Variants in ZNF579 observed in about 807,000 individuals in gnomAD.
ZNF579 encodes zinc finger protein 579.
A neutral mutation model predicts 5.7 loss-of-function variants in ZNF579; 3 were observed. That is an observed-to-expected ratio of 0.53 (90% CI 0.24 to 1.36). ZNF579 has a LOEUF of 1.36. Among genes scored for constraint, ZNF579 ranks in the 40% most tolerant of loss-of-function variants. The pLI, the probability that ZNF579 is intolerant of heterozygous loss-of-function variation, is 0.16. For synonymous variants in ZNF579, 454 were observed against 409.0 expected (o/e 1.11, Z -1.33); for missense variants, 679 against 877.6 (o/e 0.77, Z 2.86).
rs369540231 is a variant in ZNF579 at position 55,579,134 on chromosome 19, G to C, written c.506C>G (p.Ala169Gly). 2.4e-5 allele frequency: 37 copies of C among 1,524,988 alleles called. 1 individual carries two copies. In the South Asian group the frequency reaches 4.4e-4, roughly 18 times the overall value. The allele number at this position is 1,524,988 out of a possible 1,614,324, so 94.5% of individuals were successfully genotyped here. ...AGATEEEAVA[A>G]WPETWPAGEP... ...CCCCGCAGGCCACGTCTCAGGCCACGCTGCGACCGCCTCCTCCTCCGTGGC... is the reference window on the plus strand; with the variant it reads ...CCCCGCAGGCCACGTCTCAGGCCACCCTGCGACCGCCTCCTCCTCCGTGGC... The change falls in exon 2 of 2, where the codon GCG (alanine) becomes GGG (glycine). Residue 169 changes from alanine to glycine, a missense_variant. Ala to Gly is a moderately conservative substitution (Grantham distance 60, BLOSUM62 0). Around this residue, in one of 6 missense-constraint regions of ZNF579, gnomAD observed 209 missense variants for 223.4 expected, o/e 0.94. Coordinates refer to ENST00000325421, the MANE Select transcript of ZNF579 (RefSeq NM_152600.3).
rs12972695 is a variant in ZNF579 at position 55,577,121 on chromosome 19, A to G, written c.*830T>C. ...GAGTGAGGGAAGAAAGATTATGGAA[A>G]CTTTTCTGAGAAAAAAAAAAAGTTA... On this transcript the variant is annotated 3_prime_UTR_variant, in exon 2 of 2. Coordinates refer to ENST00000325421, the MANE Select transcript of ZNF579 (RefSeq NM_152600.3). 56,965 of 151,700 alleles carry G rather than the reference A, an allele frequency of 0.38. 11,468 individuals are homozygous for G. The highest frequency in any genetic ancestry group is 0.5 in the African/African-American group (20,566 of 41,338). 9.4% of individuals were successfully genotyped at this position (151,700 alleles called of 1,614,324 possible). A position where few individuals can be genotyped will look rare whatever the true frequency, so the allele number is the denominator to read the frequency against.
Position 55,579,643 on chromosome 19 carries a change from TGTGGGGAGA to T in ZNF579, c.-2-11_-2-3del. On this transcript the variant is annotated splice_polypyrimidine_tract_variant and splice_region_variant and intron_variant, in intron 1 of 1. Coordinates refer to ENST00000325421, the MANE Select transcript of ZNF579 (RefSeq NM_152600.3). ...GTGGAGGAGGCTGCGGATCCATGCC[TGTGGGGAGA>T]GAGGGGAGAGATGGGAAGCGGGGCA... is the stretch of plus-strand genomic sequence containing the variant. 6.9e-7 allele frequency: 1 copy of T among 1,446,818 alleles called. No homozygotes were observed. Among genetic ancestry groups the T allele is most frequent in the Non-Finnish European group, 9.0e-7 (1 of 1,109,942 alleles). 89.6% of individuals were successfully genotyped at this position (1,446,818 alleles called of 1,614,324 possible). A position where few individuals can be genotyped will look rare whatever the true frequency, so the allele number is the denominator to read the frequency against.
rs536053462 is a variant in ZNF579, at chr19:55,579,171, C to A, written c.469G>T (p.Ala157Ser). ...TCCTCCTCCGTGGCCCCTGCTGCAGCGGTGGTGGGCGGCTCCGAGCCCTCG... is the reference window on the plus strand; with the variant it reads ...TCCTCCTCCGTGGCCCCTGCTGCAGAGGTGGTGGGCGGCTCCGAGCCCTCG... ...QDEGSEPPTT[A>S]AAGATEEEAV... The change falls in exon 2 of 2, where the codon GCT becomes TCT. Residue 157 changes from alanine (A) to serine (S), a missense_variant. By Grantham distance (99) the Ala-to-Ser change is moderately conservative. Transcript: ENST00000325421. 6.6e-7 allele frequency: 1 copy of A among 1,525,114 alleles called. No homozygotes were observed. Among genetic ancestry groups the A allele is most frequent in the South Asian group, 1.2e-5 (1 of 83,518 alleles). The allele number at this position is 1,525,114 out of a possible 1,614,324, so 94.5% of individuals were successfully genotyped here.
Position 55,579,463 on chromosome 19 carries a change from G to C in ZNF579, c.177C>G (p.Leu59=). The C allele has an allele frequency of 1.5e-6, 2 of 1,346,736 alleles. No homozygotes were observed. The allele number at this position is 1,346,736 out of a possible 1,614,324, so 83.4% of individuals were successfully genotyped here. Residue 59 remains leucine (L), a synonymous_variant, in exon 2 of 2, where the codon CTC becomes CTG. Coordinates refer to ENST00000325421, the MANE Select transcript of ZNF579 (RefSeq NM_152600.3). ...CCGAGTGGCTCAGCCGGTGCCGGGA[G>C]AGGTAGTAGGGGAAACGGAAGAGGC... ...CGRLFRFPYY[L]SRHRLSHSGL...
At chr19:55,580,103 G>C (rs1979600612) in intron 1 of ZNF579, 1 of 155,568 alleles carries the variant, frequency 6.4e-6, no homozygotes, top group Non-Finnish European at 1.4e-5. Flanking sequence ...GCGGGTTGGG[G>C]GCCGGAGAGA....
Position 55,579,486 on chromosome 19 carries a change from G to C in ZNF579, c.154C>G (p.Leu52Val). Residue 52 changes from leucine (L) to valine (V), a missense_variant, in exon 2 of 2, where the codon CTC becomes GTC. Physicochemically the swap from Leu to Val is conservative, Grantham distance 32 (BLOSUM62 1). Coordinates refer to ENST00000325421, the MANE Select transcript of ZNF579 (RefSeq NM_152600.3). Reference protein sequence around the residue: ...APLPCPTCGRLFRFPYYLSRH... With the variant: ...APLPCPTCGRVFRFPYYLSRH... ...GAGAGGTAGTAGGGGAAACGGAAGA[G>C]GCGGCCGCAGGTGGGGCAGGGCAGG... is the stretch of plus-strand genomic sequence containing the variant. The C allele has an allele frequency of 7.4e-7, 1 of 1,359,968 alleles. No individual in the cohort carries two copies. 84.2% of individuals were successfully genotyped at this position (1,359,968 alleles called of 1,614,324 possible). A position where few individuals can be genotyped will look rare whatever the true frequency, so the allele number is the denominator to read the frequency against.
In ZNF579 at chr19:55,577,810, G is replaced by C; in HGVS notation, c.*141C>G. On this transcript the variant is annotated 3_prime_UTR_variant, in exon 2 of 2. Coordinates refer to ENST00000325421, the MANE Select transcript of ZNF579 (RefSeq NM_152600.3). ...GCGGGCGATGGGGGAGGAAGGGGCA[G>C]TCCAGGGCCCCCCACTCCTTAGTGT... 6.9e-7 allele frequency: 1 copy of C among 1,448,034 alleles called. No homozygotes were observed. Among genetic ancestry groups the C allele is most frequent in the Non-Finnish European group, 9.1e-7 (1 of 1,097,042 alleles). 89.7% of individuals were successfully genotyped at this position (1,448,034 alleles called of 1,614,324 possible). A position where few individuals can be genotyped will look rare whatever the true frequency, so the allele number is the denominator to read the frequency against.
Position 55,577,936 on chromosome 19 carries a change from GCAGGGCGGCGAAGGTCAGGAGGC to G in ZNF579, c.1681_*14del. ...GGGAGCTCAGGCGGAGCGGCGGAGGGCAGGGCGGCGAAGGTCAGGAGGCCAGGCCCCCCAGCCCGCGCAGGTGA... is the reference window on the plus strand; with the variant it reads ...GGGAGCTCAGGCGGAGCGGCGGAGGGCAGGCCCCCCAGCCCGCGCAGGTGA... On this transcript the variant is annotated stop_lost and 3_prime_UTR_variant, in exon 2 of 2. Transcript: ENST00000325421. 6.4e-7 allele frequency: 1 copy of G among 1,573,452 alleles called. No homozygotes were observed. Among genetic ancestry groups the G allele is most frequent in the East Asian group, 2.3e-5 (1 of 43,030 alleles).
rs1979470679 is a variant in ZNF579, at chr19:55,578,418, C to G, written c.1222G>C (p.Gly408Arg). ...HLRQHGVTHS[G>R]ARPFQCVRCQ... Reference sequence around the variant, plus strand: ...CGCACGCACTGGAAGGGGCGCGCTCCCGAGTGGGTCACCCCGTGCTGCCGC... The same window carrying G: ...CGCACGCACTGGAAGGGGCGCGCTCGCGAGTGGGTCACCCCGTGCTGCCGC... Residue 408 changes from glycine to arginine, a missense_variant, in exon 2 of 2, where the codon GGA (glycine) becomes CGA (arginine). Physicochemically the swap from Gly to Arg is moderately radical, Grantham distance 125 (BLOSUM62 -2). Transcript: ENST00000325421. 6.8e-7 allele frequency: 1 copy of G among 1,481,128 alleles called. No individual in the cohort carries two copies. The highest frequency in any genetic ancestry group is 8.9e-7 in the Non-Finnish European group (1 of 1,125,178). 91.7% of individuals were successfully genotyped at this position (1,481,128 alleles called of 1,614,324 possible). A position where few individuals can be genotyped will look rare whatever the true frequency, so the allele number is the denominator to read the frequency against.
At chr19:55,580,073 C>G (rs1049441384) in intron 1 of ZNF579, 2 of 159,616 alleles carry the variant, frequency 1.3e-5, no homozygotes, top group African/African-American at 4.8e-5. Flanking sequence ...AGTGCAAGAG[C>G]AGAGATCAGA....
Position 55,577,954 on chromosome 19 carries a change from G to A in ZNF579, c.1686C>T (p.Ser562=). 1 of 1,589,172 alleles carries A rather than the reference G, an allele frequency of 6.3e-7. No homozygotes were observed. The highest frequency in any genetic ancestry group is 8.6e-7 in the Non-Finnish European group (1 of 1,168,210). ...GCGGAGGGCAGGGCGGCGAAGGTCA[G>A]GAGGCCAGGCCCCCCAGCCCGCGCA... ...AHLRGLGGLA[S] is the part of the protein sequence containing the mutation. The change falls in exon 2 of 2, where the codon TCC becomes TCT. Residue 562 remains serine, a synonymous_variant. Coordinates refer to ENST00000325421, the MANE Select transcript of ZNF579 (RefSeq NM_152600.3).
At position 55,578,126 on chromosome 19, in the gene ZNF579, G is replaced by C; in HGVS notation, c.1514C>G (p.Ala505Gly). 6.5e-7 allele frequency: 1 copy of C among 1,546,860 alleles called. No individual in the cohort carries two copies. The highest frequency in any genetic ancestry group is 8.7e-7 in the Non-Finnish European group (1 of 1,145,188). ...AGAGGGCGGCTCTTCCTTAATGTTT[G>C]CGAGGGGCAGCGGGAGCCCTTCTTC... ...QEEEGLPLPL[A>G]NIKEEPPSPG... The change falls in exon 2 of 2, where the codon GCA becomes GGA. Residue 505 changes from alanine to glycine, a missense_variant. By Grantham distance (60) the Ala-to-Gly change is moderately conservative (BLOSUM62 0). Coordinates refer to ENST00000325421, the MANE Select transcript of ZNF579 (RefSeq NM_152600.3).
Position 55,578,404 on chromosome 19 carries a change from G to T in ZNF579, c.1236C>A (p.Phe412Leu). ...ACTCCCGCTGGCAGCGCACGCACTG[G>T]AAGGGGCGCGCTCCCGAGTGGGTCA... ...HGVTHSGARPFQCVRCQREFK... is the reference protein window; with the variant it reads ...HGVTHSGARPLQCVRCQREFK... The change falls in exon 2 of 2, where the codon TTC (phenylalanine) becomes TTA (leucine). Residue 412 changes from phenylalanine (F) to leucine (L), a missense_variant. This residue lies in a region of ZNF579 where 68 missense variants were observed against 154.2 expected (regional missense o/e 0.44). Transcript: ENST00000325421. 1 of 1,478,674 alleles carries T rather than the reference G, an allele frequency of 6.8e-7. No individual in the cohort carries two copies. Among genetic ancestry groups the T allele is most frequent in the East Asian group, 2.9e-5 (1 of 34,596 alleles). 91.6% of individuals were successfully genotyped at this position (1,478,674 alleles called of 1,614,324 possible). A position where few individuals can be genotyped will look rare whatever the true frequency, so the allele number is the denominator to read the frequency against.
intron 1 of ZNF579, 192 bp from the exon 2 acceptor site, chr19:55,579,833 AGG>A: frequency 1.9e-6 from 1 of 532,184 alleles, no homozygotes; most frequent in East Asian, 3.6e-5. Flanking sequence ...GAGAGACAGG[AGG>A]AGAGAGATCA....
Position 55,578,491 on chromosome 19 carries a change from G to A in ZNF579, c.1149C>T (p.Arg383=), listed in dbSNP as rs933023939. Residue 383 remains arginine (R), a synonymous_variant, in exon 2 of 2, where the codon CGC becomes CGT. Transcript: ENST00000325421. ...CTTTGCCGCACTCTGGGCACCAGAA[G>A]CGGGGCTCCCCGGCGGGGGGCCGAG... ...APARPPAGEP[R]FWCPECGKGF... 7.0e-7 allele frequency: 1 copy of A among 1,426,976 alleles called. No individual in the cohort carries two copies. Among genetic ancestry groups the A allele is most frequent in the African/African-American group, 1.5e-5 (1 of 65,916 alleles). 88.4% of individuals were successfully genotyped at this position (1,426,976 alleles called of 1,614,324 possible).
Position 55,578,571 on chromosome 19 carries a change from A to T in ZNF579, c.1069T>A (p.Cys357Ser). 1 of 1,441,962 alleles carries T rather than the reference A, an allele frequency of 6.9e-7. No individual in the cohort carries two copies. The highest frequency in any genetic ancestry group is 1.4e-5 in the South Asian group (1 of 70,030). The allele number at this position is 1,441,962 out of a possible 1,614,324, so 89.3% of individuals were successfully genotyped here. Residue 357 changes from cysteine (C) to serine (S), a missense_variant, in exon 2 of 2, where the codon TGC becomes AGC. Physicochemically the swap from Cys to Ser is moderately radical, Grantham distance 112. This residue lies in a region of ZNF579 where 114 missense variants were observed against 98.9 expected (regional missense o/e 1.15). Transcript: ENST00000325421. ...KGPEGGEGAECGGASEGGEGQ... is the reference protein window; with the variant it reads ...KGPEGGEGAESGGASEGGEGQ... ...TCTCCCCCTTCCGAGGCACCCCCGCACTCCGCCCCCTCGCCCCCCTCCGGC... is the reference window on the plus strand; with the variant it reads ...TCTCCCCCTTCCGAGGCACCCCCGCTCTCCGCCCCCTCGCCCCCCTCCGGC...
In ZNF579 at chr19:55,579,517, C is replaced by T; in HGVS notation, c.123G>A (p.Arg41=). Residue 41 remains arginine, a synonymous_variant, in exon 2 of 2, where the codon AGG becomes AGA. Transcript: ENST00000325421. ...GRGRGGAGAP[R]APLPCPTCGR... is the part of the protein sequence containing the mutation. ...CGCAGGTGGGGCAGGGCAGGGGCGC[C>T]CTAGGGGCTCCAGCGCCCCCCCTGC... 1 of 1,420,002 alleles carries T rather than the reference C, an allele frequency of 7.0e-7. No homozygotes were observed. Among genetic ancestry groups the T allele is most frequent in the East Asian group, 3.0e-5 (1 of 32,948 alleles). 88.0% of individuals were successfully genotyped at this position (1,420,002 alleles called of 1,614,324 possible). A position where few individuals can be genotyped will look rare whatever the true frequency, so the allele number is the denominator to read the frequency against.
rs1355794343 is a variant in ZNF579, at chr19:55,579,651, G to A, written c.-2-10C>T. The A allele has an allele frequency of 7.7e-6, 11 of 1,433,152 alleles. No homozygotes were observed. 88.8% of individuals were successfully genotyped at this position (1,433,152 alleles called of 1,614,324 possible). A position where few individuals can be genotyped will look rare whatever the true frequency, so the allele number is the denominator to read the frequency against. On this transcript the variant is annotated splice_polypyrimidine_tract_variant and intron_variant, in intron 1 of 1. Coordinates refer to ENST00000325421, the MANE Select transcript of ZNF579 (RefSeq NM_152600.3). ...GGCTGCGGATCCATGCCTGTGGGGA[G>A]AGAGGGGAGAGATGGGAAGCGGGGC...
rs1002858055 is a variant in ZNF579, at chr19:55,578,884, G to T, written c.756C>A (p.Arg252=). The change falls in exon 2 of 2, where the codon CGC becomes CGA. Residue 252 remains arginine, a synonymous_variant. Transcript: ENST00000325421. The part of the protein sequence containing the change: ...KGELKAHPCL[R]PEGEQEGEGG... ...CTTCCCCTTCCTGTTCGCCCTCGGG[G>T]CGCAGACACGGGTGCGCCTTGAGCT... 9 of 1,595,526 alleles carry T rather than the reference G, an allele frequency of 5.6e-6. No individual in the cohort carries two copies. The African/African-American group carries it at 8.1e-5, about 14-fold the overall frequency.
Sources: allele counts gnomAD v4.1 joint callset, GRCh38; gene constraint gnomAD v4.1.1; regional missense constraint gnomAD v4.1.1; transcripts MANE v1.5; gene names NCBI Gene and HGNC (gene_info 2026-07-23, HGNC 2026-07-21).